The following TTC7A variants were observed in gnomAD, a reference collection of about 807,000 sequenced individuals.
TTC7A encodes the protein tetratricopeptide repeat domain 7A, also known as tetratricopeptide repeat protein 7A.
TTC7A carries 110 observed loss-of-function variants against 103.7 expected under a neutral mutation model. The ratio of observed to expected loss-of-function variants is 1.06; its 90% CI spans 0.91 to 1.24. The LOEUF (loss-of-function observed/expected upper bound fraction) is 1.24. Ranked by LOEUF, TTC7A falls within the 50% of genes most tolerant of loss-of-function variation. The pLI is 0.00. For synonymous variants in TTC7A, 521 were observed against 467.9 expected, an observed-to-expected ratio of 1.11 and a Z score of -1.47; for missense variants, 1,340 against 1,116.3, an observed-to-expected ratio of 1.20 and a Z score of -2.86.
intron 15 of TTC7A, among the ~76,000 whole-genome samples, chr2:47,043,615 C>T (rs1681999111): frequency 6.6e-6 from 1 of 152,142 alleles, no homozygotes; most frequent in Non-Finnish European, 1.5e-5. Flanking sequence ...GGTCAGGGTT[C>T]TTTGTGGAAG....
chr2:47,018,281 GA>G (rs35448648), intron 11 of TTC7A, among the ~76,000 whole-genome samples: 72,979 of 124,290 alleles, frequency 0.59, 19,448 homozygotes, highest in East Asian at 0.78. Context: ...GTCCGTCTCA[GA>G]AAAAAAAAAA....
chr2:47,005,156 C>T lies in TTC7A; in HGVS notation c.1066-766C>T, dbSNP rs150013221. Among the ~76,000 whole-genome samples, 686 of 152,280 alleles carry T rather than the reference C, an allele frequency of 4.5e-3. 7 individuals are homozygous for T. The highest frequency in any genetic ancestry group is 0.015 in the African/African-American group (636 of 41,548). Reference sequence around the variant, plus strand: ...GTTCTTGAGTGTGGGGAAGCTCTCCCTGGGGAGGGACGGAGGAGAGTTTCC... The same window carrying T: ...GTTCTTGAGTGTGGGGAAGCTCTCCTTGGGGAGGGACGGAGGAGAGTTTCC... On this transcript the variant is annotated intron_variant, in intron 8 of 19. Transcript: ENST00000319190.
rs765308583 is a variant in TTC7A, at chr2:47,046,349, C to T, written c.1837C>T (p.Leu613=). ...CACCAAGGTGAAGCTGGAGCAGGTG[C>T]TGAAAGGCCCAGAGGAAGCCCTCGT... ...MFTKVKLEQV[L]KGPEEALVTC... The change falls in exon 16 of 20, where the codon CTG becomes TTG. Residue 613 remains leucine (L), a synonymous_variant. Transcript: ENST00000319190. 2.5e-6 allele frequency: 4 copies of T among 1,614,160 alleles called. No homozygotes were observed. In the Middle Eastern group the frequency reaches 5.0e-4, roughly 200 times the overall value.
intron 15 of TTC7A, among the ~76,000 whole-genome samples, chr2:47,029,781 C>A (rs1230427733): frequency 6.6e-6 from 1 of 152,184 alleles, no homozygotes; most frequent in East Asian, 1.9e-4. Flanking sequence ...GGGATTCTAA[C>A]ATGAGCTGGG....
intron 2 of TTC7A, among the ~76,000 whole-genome samples, chr2:46,927,176 G>A (rs1478577897): frequency 6.6e-6 from 1 of 151,906 alleles, no homozygotes. Flanking sequence ...AGCAAAGACA[G>A]TATTTGAAGA....
upstream of TTC7A, chr2:46,916,099 AG>A: frequency 4.1e-6 from 4 of 985,584 alleles, no homozygotes; most frequent in Non-Finnish European, 3.6e-6. Context: ...CGGGCGACGT[AG>A]GATGGCGGAT....
chr2:46,917,635 GTC>G (rs1212680777), intron 2 of TTC7A, among the ~76,000 whole-genome samples: 1 of 152,110 alleles, frequency 6.6e-6, no homozygotes, highest in Admixed American at 6.5e-5. Flanking sequence ...CCTGTGTTAT[GTC>G]TCTCTTGAAT....
chr2:46,916,134 T>A, upstream of TTC7A: 1 of 985,544 alleles, frequency 1.0e-6, no homozygotes, highest in Non-Finnish European at 1.2e-6. Context: ...ACCCCAAAGC[T>A]GGCTCCCAAC....
rs1249330680 is a variant in TTC7A, at chr2:47,028,056, G to A, written c.1642-1168G>A. On this transcript the variant is annotated intron_variant, in intron 14 of 19. Transcript: ENST00000319190. ...TAGATGGGTCTGGGGAGGTAGAATC[G>A]GAGGCAAGGAGAGGGGCCTCGGGTG... Among the ~76,000 whole-genome samples, 8 of 152,258 alleles carry A rather than the reference G, an allele frequency of 5.3e-5. No homozygotes were observed. In the East Asian group the frequency reaches 7.7e-4, roughly 15 times the overall value.
chr2:47,050,333 C>T, intron 17 of TTC7A: 1 of 449,562 alleles, frequency 2.2e-6, no homozygotes. Flanking sequence ...AAACCGTTTC[C>T]CCTTAGGCTC....
At chr2:47,063,079 G>A (rs1286879878) in intron 19 of TTC7A, among the ~76,000 whole-genome samples, 1 of 152,236 alleles carries the variant, frequency 6.6e-6, no homozygotes, top group Admixed American at 6.5e-5. Context: ...GAACACTTTA[G>A]TGAGTCGATC....
Position 46,993,542 on chromosome 2 carries a change from C to T in TTC7A, c.843+14C>T. 1 of 1,612,822 alleles carries T rather than the reference C, an allele frequency of 6.2e-7. No homozygotes were observed. The highest frequency in any genetic ancestry group is 8.5e-7 in the Non-Finnish European group (1 of 1,178,836). ...AACTTCAAAGTGGTAATGTGGGGTGCTGGCAGTGCTGGCTTATTTAGGAGT... is the reference window on the plus strand; with the variant it reads ...AACTTCAAAGTGGTAATGTGGGGTGTTGGCAGTGCTGGCTTATTTAGGAGT... On this transcript the variant is annotated intron_variant, in intron 6 of 19. Coordinates refer to ENST00000319190, the MANE Select transcript of TTC7A (RefSeq NM_020458.4).
At chr2:47,006,821 A>G (rs1677461073) in intron 10 of TTC7A, 97 bp downstream of exon 10, 4 of 989,594 alleles carry the variant, frequency 4.0e-6, no homozygotes, top group South Asian at 2.6e-5. Flanking sequence ...GTGGGTGGGT[A>G]TTATCCTGCC....
At chr2:46,957,854 A>G (rs1672021496) in intron 3 of TTC7A, among the ~76,000 whole-genome samples, 1 of 152,288 alleles carries the variant, frequency 6.6e-6, no homozygotes, top group Non-Finnish European at 1.5e-5. Flanking sequence ...ACCTCCAGAG[A>G]AAAGTCTAGA....
chr2:46,952,470 C>G (rs1671499313), intron 2 of TTC7A, among the ~76,000 whole-genome samples: 1 of 151,952 alleles, frequency 6.6e-6, no homozygotes, highest in Non-Finnish European at 1.5e-5. Flanking sequence ...AATAAAAGTC[C>G]CAGCTGGCCT....
chr2:46,981,925 A>G (rs993847), intron 5 of TTC7A, among the ~76,000 whole-genome samples: 85,997 of 152,142 alleles, frequency 0.57, 25,161 homozygotes, highest in East Asian at 0.69. Flanking sequence ...GATGACTGCA[A>G]CAGGCAGGTG....
chr2:46,951,291 T>C (rs1421870773), intron 2 of TTC7A, among the ~76,000 whole-genome samples: 1 of 151,650 alleles, frequency 6.6e-6, no homozygotes. Context: ...ATTGGGGAGC[T>C]GGTTAGAAAT....
At chr2:46,993,342 A>G in intron 5 of TTC7A, 108 bp from the exon 6 acceptor site, 7 of 1,043,472 alleles carry the variant, frequency 6.7e-6, no homozygotes, top group East Asian at 2.4e-5. Context: ...AATGTGTTCA[A>G]ATAAAACTCC....
Position 47,021,886 on chromosome 2 carries a change from A to T in TTC7A, c.1417A>T (p.Met473Leu). ...GCTAGAGGAAGCAGAGCACTTTGCC[A>T]TGATGGTGATCAGCCTCGGAGAGGA... ...RWLEEAEHFAMMVISLGEEAG... is the reference protein window; with the variant it reads ...RWLEEAEHFALMVISLGEEAG... Residue 473 changes from methionine to leucine, a missense_variant, in exon 12 of 20, where the codon ATG (methionine) becomes TTG (leucine). Physicochemically the swap from Met to Leu is conservative, Grantham distance 15. Transcript: ENST00000319190. 2 of 1,614,154 alleles carry T rather than the reference A, an allele frequency of 1.2e-6. No individual in the cohort carries two copies.
Sources: allele counts gnomAD v4.1 joint callset (sites outside exome capture counted in the v4.1 genomes callset), GRCh38; gene constraint gnomAD v4.1.1; transcripts MANE v1.5; gene names NCBI Gene and HGNC (gene_info 2026-07-23, HGNC 2026-07-21).